The following BCAS3 variants were observed in gnomAD, a reference collection of about 807,000 sequenced individuals.
BCAS3 encodes BCAS4/BCAS3 fusion.
BCAS3 carries 53 observed loss-of-function variants against 116.1 expected under a neutral mutation model. The ratio of observed to expected loss-of-function variants is 0.46; its 90% CI spans 0.37 to 0.57. BCAS3 has a LOEUF of 0.57. BCAS3 is among the 20% of genes least tolerant of loss of function. BCAS3 has a pLI of 0.00. For missense variants in BCAS3, 917 were observed against 1,165.4 expected, an observed-to-expected ratio of 0.79 and a Z score of 3.10; for synonymous variants, 391 against 408.2, an observed-to-expected ratio of 0.96 and a Z score of 0.51.
At chr17:60,924,768 G>A (rs764630437) in intron 13 of BCAS3, among the ~76,000 whole-genome samples, 1 of 151,602 alleles carries the variant, frequency 6.6e-6, no homozygotes, top group African/African-American at 2.4e-5. Context: ...ATGAATTTCT[G>A]TTTATAATTA....
At chr17:60,955,903 A>G (rs1330203975) in intron 14 of BCAS3, among the ~76,000 whole-genome samples, 2 of 152,188 alleles carry the variant, frequency 1.3e-5, no homozygotes, top group Non-Finnish European at 2.9e-5. Context: ...ATTGCATCCT[A>G]TCAGGTTGTT....
At chr17:61,234,141 C>T (rs918453529) in intron 22 of BCAS3, among the ~76,000 whole-genome samples, 32 of 152,150 alleles carry the variant, frequency 2.1e-4, no homozygotes, top group African/African-American at 7.7e-4. Context: ...CAATAGAAAC[C>T]CCCTTCCTCT....
At chr17:61,312,960 AT>A in intron 22 of BCAS3, among the ~76,000 whole-genome samples, 2 of 152,218 alleles carry the variant, frequency 1.3e-5, no homozygotes, top group Non-Finnish European at 2.9e-5. Context: ...GTTAGAAGAA[AT>A]GTGTCTCCAA....
intron 11 of BCAS3, among the ~76,000 whole-genome samples, chr17:60,905,232 A>G (rs17594273): frequency 0.029 from 4,349 of 152,278 alleles, 83 homozygotes; most frequent in Non-Finnish European, 0.044. Context: ...AATATATAGG[A>G]CACAATTCTT....
At position 61,323,291 on chromosome 17, in the gene BCAS3, C is replaced by T. The variant is rs1461791649; in HGVS notation, c.2426-45036C>T. On this transcript the variant is annotated intron_variant, in intron 22 of 23. Transcript: ENST00000407086. This position sits in a 1 kb window ranked among gnomAD's most constrained non-coding sequence, Gnocchi z 4.6. Reference sequence around the variant, plus strand: ...TTTATAACCCGTTCTGATTATTCTTCTCCTCTGAAATCTCACTGGTTGAAT... The same window carrying T: ...TTTATAACCCGTTCTGATTATTCTTTTCCTCTGAAATCTCACTGGTTGAAT... Among the ~76,000 whole-genome samples, 1 of 152,170 alleles carries T rather than the reference C, an allele frequency of 6.6e-6. No homozygotes were observed. Among genetic ancestry groups the T allele is most frequent in the African/African-American group, 2.4e-5 (1 of 41,452 alleles).
chr17:60,751,811 G>A (rs141549922), intron 6 of BCAS3, among the ~76,000 whole-genome samples: 53 of 152,162 alleles, frequency 3.5e-4, no homozygotes, highest in Non-Finnish European at 6.6e-4. Flanking sequence ...CCAAAGTGCT[G>A]GGATTACAGG....
intron 14 of BCAS3, among the ~76,000 whole-genome samples, chr17:60,977,762 T>C (rs1301912838): frequency 6.6e-6 from 1 of 151,542 alleles, no homozygotes; most frequent in Non-Finnish European, 1.5e-5. Flanking sequence ...TTTGGCTTTT[T>C]GTTCTTGCCA....
chr17:61,284,222 C>T (rs545560665), intron 22 of BCAS3, among the ~76,000 whole-genome samples: 8 of 152,106 alleles, frequency 5.3e-5, no homozygotes, highest in Non-Finnish European at 1.0e-4. Context: ...AAATTGGCCA[C>T]CTCCCCCACC....
intron 19 of BCAS3, among the ~76,000 whole-genome samples, chr17:61,044,465 A>AATATATATATATATATATATATATAT (rs1555683922): frequency 3.3e-5 from 4 of 120,108 alleles, no homozygotes; most frequent in African/African-American, 1.5e-4. Flanking sequence ...AAAAAAAAAA[A>AATATATATATATATATATATATATAT]ATATATATAT....
intron 14 of BCAS3, 86 bp downstream of exon 14, chr17:60,947,438 A>G: frequency 7.5e-7 from 1 of 1,340,348 alleles, no homozygotes; most frequent in South Asian, 1.7e-5. Flanking sequence ...ATTGCAGCTT[A>G]ATGTTGATGT....
intron 21 of BCAS3, among the ~76,000 whole-genome samples, chr17:61,079,561 C>T (rs2072356712): frequency 6.6e-6 from 1 of 151,884 alleles, no homozygotes; most frequent in Non-Finnish European, 1.5e-5. Context: ...CTGCTCTCAC[C>T]CCTATTCTTT....
In BCAS3 at chr17:61,196,647, G is replaced by A. The variant is rs2080497488; in HGVS notation, c.2425+112083G>A. Among the ~76,000 whole-genome samples the A allele has an allele frequency of 6.6e-6, 1 of 152,162 alleles. No individual in the cohort carries two copies. Among genetic ancestry groups the A allele is most frequent in the South Asian group, 2.1e-4 (1 of 4,828 alleles). On this transcript the variant is annotated intron_variant, in intron 22 of 23. Coordinates refer to ENST00000407086, the MANE Select transcript of BCAS3 (RefSeq NM_017679.5). The surrounding 1 kb of genome is among the most constrained non-coding windows in gnomAD (Gnocchi z 4.7). Reference sequence around the variant, plus strand: ...TCGAATTAGAAATGAAAAGAGGAGAGGAAAGGGAAAAGGAAGAAAGCCTAC... The same window carrying A: ...TCGAATTAGAAATGAAAAGAGGAGAAGAAAGGGAAAAGGAAGAAAGCCTAC...
At chr17:61,202,056 C>A (rs973696375) in intron 22 of BCAS3, among the ~76,000 whole-genome samples, 1 of 100,854 alleles carries the variant, frequency 9.9e-6, no homozygotes, top group Non-Finnish European at 2.0e-5. Flanking sequence ...CTGTGCCCGG[C>A]CTCTTTTTTT....
intron 6 of BCAS3, among the ~76,000 whole-genome samples, chr17:60,770,417 T>G (rs1448235639): frequency 1.2e-5 from 1 of 83,536 alleles, no homozygotes; most frequent in Non-Finnish European, 2.2e-5. Flanking sequence ...TTTTTTTTTT[T>G]TTTTTTTTTT....
rs2048757924 is a variant in BCAS3, at chr17:61,256,112, A to G, written c.2426-112215A>G. The stretch of plus-strand genomic sequence containing the variant: ...CAGCCTCTACTGGTAATCAGGAGAA[A>G]TGGGCCAATGGCTTTATGTAACTGA... On this transcript the variant is annotated intron_variant, in intron 22 of 23. Transcript: ENST00000407086. The surrounding 1 kb of genome is among the most constrained non-coding windows in gnomAD (Gnocchi z 5.6). 6.6e-6 allele frequency among the ~76,000 whole-genome samples: 1 copy of G among 152,144 alleles called. No homozygotes were observed. Among genetic ancestry groups the G allele is most frequent in the Non-Finnish European group, 1.5e-5 (1 of 68,026 alleles).
chr17:61,304,206 T>G (rs1442939503), intron 22 of BCAS3, among the ~76,000 whole-genome samples: 2 of 152,244 alleles, frequency 1.3e-5, no homozygotes, highest in East Asian at 3.9e-4. Flanking sequence ...TTATCTGGTC[T>G]TCCCACCTTT....
intron 22 of BCAS3, among the ~76,000 whole-genome samples, chr17:61,312,066 G>A (rs1189396992): frequency 6.6e-6 from 1 of 152,138 alleles, no homozygotes; most frequent in Admixed American, 6.5e-5. Context: ...AAAACAGGAG[G>A]GGAGAATCGT....
At position 60,799,520 on chromosome 17, in the gene BCAS3, G is replaced by GTTTTTTTTTTTTTTTTTTTTTTTTT. The variant is rs200098763; in HGVS notation, c.404-8481_404-8480insTTTTTTTTTTTTTTTTTTTTTTTTT. Among the ~76,000 whole-genome samples, 3 of 117,644 alleles carry GTTTTTTTTTTTTTTTTTTTTTTTTT rather than the reference G, an allele frequency of 2.6e-5. 1 individual carries two copies. The highest frequency in any genetic ancestry group is 3.7e-5 in the African/African-American group (1 of 27,140). 77.2% of individuals were successfully genotyped at this position (117,644 alleles called of 152,430 possible). A position where few individuals can be genotyped will look rare whatever the true frequency, so the allele number is the denominator to read the frequency against. ...AATATGTAAGTTTTTTGAGATTAGT[G>GTTTTTTTTTTTTTTTTTTTTTTTTT]TTTGTTTTTTTTTTTTTTTTTTTTT... On this transcript the variant is annotated intron_variant, in intron 6 of 23. Transcript: ENST00000407086.
In BCAS3 at chr17:61,248,682, A is replaced by C. The variant is rs960644447; in HGVS notation, c.2426-119645A>C. Among the ~76,000 whole-genome samples, 3 of 152,220 alleles carry C rather than the reference A, an allele frequency of 2.0e-5. No individual in the cohort carries two copies. The highest frequency in any genetic ancestry group is 4.4e-5 in the Non-Finnish European group (3 of 68,030). On this transcript the variant is annotated intron_variant, in intron 22 of 23. Transcript: ENST00000407086. The surrounding 1 kb of genome is among the most constrained non-coding windows in gnomAD (Gnocchi z 4.3). The stretch of plus-strand genomic sequence containing the variant: ...TTAGCCAGCTTTGTGGCAGATGACC[A>C]ACCCTGATAGCCTGATTTTTAAGGC...
Sources: allele counts gnomAD v4.1 joint callset (sites outside exome capture counted in the v4.1 genomes callset), GRCh38; gene constraint gnomAD v4.1.1; non-coding constraint Gnocchi (gnomAD v3.1); transcripts MANE v1.5; gene names NCBI Gene and HGNC (gene_info 2026-07-23, HGNC 2026-07-21).